Variants in IFT80 observed in about 807,000 individuals in gnomAD.
IFT80 encodes the protein intraflagellar transport protein 80 homolog.
IFT80 carries 79 observed loss-of-function variants against 107.9 expected under a neutral mutation model. That is an observed-to-expected ratio of 0.73 (90% CI 0.61 to 0.88). IFT80 has a LOEUF of 0.88. Ranked by LOEUF, IFT80 falls within the 40% of genes least tolerant of loss-of-function variation. The probability of loss-of-function intolerance (pLI) is 0.00; values close to 1 mark genes in which losing one functional copy is unlikely to be tolerated. For synonymous variants in IFT80, 299 were observed against 300.9 expected, an observed-to-expected ratio of 0.99 and a Z score of 0.07; for missense variants, 797 against 914.2, an observed-to-expected ratio of 0.87 and a Z score of 1.65.
chr3:160,319,489 C>T (rs1347339645), intron 9 of IFT80, among the ~76,000 whole-genome samples: 1 of 151,970 alleles, frequency 6.6e-6, no homozygotes, highest in African/African-American at 2.4e-5. Flanking sequence ...TCTCTCCTTC[C>T]CTCACTGAAT....
At chr3:160,322,607 C>T (rs558852829) in intron 8 of IFT80, among the ~76,000 whole-genome samples, 198 of 152,252 alleles carry the variant, frequency 1.3e-3, no homozygotes, top group African/African-American at 4.5e-3. Flanking sequence ...TGAGGAATCA[C>T]CACACTGACT....
chr3:160,311,007 C>T (rs1156390678), intron 9 of IFT80, among the ~76,000 whole-genome samples: 1 of 152,112 alleles, frequency 6.6e-6, no homozygotes, highest in Non-Finnish European at 1.5e-5. Context: ...CACCTGTGGT[C>T]CCAGCTACTC....
intron 6 of IFT80, among the ~76,000 whole-genome samples, chr3:160,362,584 C>G (rs1009692393): frequency 6.6e-6 from 1 of 152,090 alleles, no homozygotes; most frequent in Non-Finnish European, 1.5e-5. Context: ...AATTTTAGAC[C>G]AATATCCCTG....
intron 8 of IFT80, among the ~76,000 whole-genome samples, chr3:160,353,680 T>A (rs1162927704): frequency 6.6e-6 from 1 of 152,174 alleles, no homozygotes; most frequent in Admixed American, 6.5e-5. Context: ...GTTAGGCTCT[T>A]CCACACCCTT....
intron 19 of IFT80, among the ~76,000 whole-genome samples, chr3:160,267,106 A>G (rs999806109): frequency 6.6e-6 from 1 of 152,208 alleles, no homozygotes; most frequent in Non-Finnish European, 1.5e-5. Flanking sequence ...CACAACTTGT[A>G]GCTATCCTGG....
At chr3:160,302,108 T>C (rs1716476777) in intron 11 of IFT80, among the ~76,000 whole-genome samples, 1 of 152,046 alleles carries the variant, frequency 6.6e-6, no homozygotes, top group African/African-American at 2.4e-5. Context: ...TGTGCCTGTT[T>C]CCTTCATGCT....
chr3:160,391,025 C>A (rs753057026), intron 1 of IFT80, among the ~76,000 whole-genome samples: 15 of 152,152 alleles, frequency 9.9e-5, no homozygotes, highest in Admixed American at 2.6e-4. Context: ...TCTGCATAGC[C>A]CACTTCTTAA....
At chr3:160,328,519 GA>G (rs1718847792) in intron 8 of IFT80, among the ~76,000 whole-genome samples, 1 of 147,408 alleles carries the variant, frequency 6.8e-6, no homozygotes, top group Admixed American at 6.8e-5. Flanking sequence ...AGGTTGTACA[GA>G]AAAAGGAATG....
chr3:160,389,836 G>GTA (rs1553767568), intron 1 of IFT80, among the ~76,000 whole-genome samples: 1 of 152,048 alleles, frequency 6.6e-6, no homozygotes, highest in Non-Finnish European at 1.5e-5. Flanking sequence ...AGTCCTTTGG[G>GTA]TATATACCCA....
chr3:160,258,803 G>T (rs1333918984), intron 19 of IFT80, among the ~76,000 whole-genome samples, 168 bp from the exon 20 acceptor site: 1 of 152,054 alleles, frequency 6.6e-6, no homozygotes, highest in Non-Finnish European at 1.5e-5. Flanking sequence ...TTAAGAAGAA[G>T]AAATAATGCT....
intron 12 of IFT80, among the ~76,000 whole-genome samples, chr3:160,297,850 C>T (rs1716106427): frequency 6.6e-6 from 1 of 152,008 alleles, no homozygotes; most frequent in African/African-American, 2.4e-5. Flanking sequence ...TTTTCCATAA[C>T]TGTAAGTGCA....
intron 13 of IFT80, among the ~76,000 whole-genome samples, chr3:160,283,369 G>A (rs548055531): frequency 1.3e-5 from 2 of 152,234 alleles, no homozygotes; most frequent in South Asian, 2.1e-4. Context: ...TAGGAATTGT[G>A]AATTCAACCA....
rs1315652202 is a variant in IFT80 at position 160,340,221 on chromosome 3, G to T, written c.777+15792C>A. On this transcript the variant is annotated intron_variant, in intron 8 of 19. Coordinates refer to ENST00000326448, the MANE Select transcript of IFT80 (RefSeq NM_020800.3). The stretch of plus-strand genomic sequence containing the variant: ...AGATAATTTTTTTTATCAGTAAGAA[G>T]AAGGTGAAATCCTCCCCAAGTTATC... Among the ~76,000 whole-genome samples, 22 of 152,118 alleles carry T rather than the reference G, an allele frequency of 1.4e-4. No individual in the cohort carries two copies. The East Asian group carries it at 4.2e-3, about 29-fold the overall frequency.
At chr3:160,279,758 C>T (rs1392767337) in intron 15 of IFT80, among the ~76,000 whole-genome samples, 1 of 151,958 alleles carries the variant, frequency 6.6e-6, no homozygotes, top group Non-Finnish European at 1.5e-5. Context: ...AAAAAGTAAA[C>T]CAAATTCCAA....
At chr3:160,357,730 T>C (rs1721197443) in intron 6 of IFT80, 152 bp from the exon 7 acceptor site, 2 of 602,690 alleles carry the variant, frequency 3.3e-6, no homozygotes, top group Admixed American at 5.9e-5. Flanking sequence ...CAATACCTCA[T>C]TTGCTTGTTT....
chr3:160,274,323 G>T (rs1276683328), intron 18 of IFT80, among the ~76,000 whole-genome samples: 1 of 152,078 alleles, frequency 6.6e-6, no homozygotes, highest in Non-Finnish European at 1.5e-5. Flanking sequence ...CCAAATAAAG[G>T]TAGGTTTCAT....
chr3:160,396,948 T>C (rs185305399), intron 1 of IFT80, among the ~76,000 whole-genome samples: 1 of 152,360 alleles, frequency 6.6e-6, no homozygotes, highest in African/African-American at 2.4e-5. Context: ...ACCTGGTTTA[T>C]GCCCCTTTTC....
chr3:160,313,066 TTATA>T (rs1363841211), intron 9 of IFT80, among the ~76,000 whole-genome samples: 4 of 102,022 alleles, frequency 3.9e-5, no homozygotes, highest in African/African-American at 1.5e-4. Flanking sequence ...ATAATATATA[TTATA>T]TATATTTTAT....
At chr3:160,290,373 A>G (rs1250134181) in intron 12 of IFT80, among the ~76,000 whole-genome samples, 1 of 149,912 alleles carries the variant, frequency 6.7e-6, no homozygotes, top group Non-Finnish European at 1.5e-5. Flanking sequence ...ATGCCACTGC[A>G]CTCCGGCCTG....
Sources: allele counts gnomAD v4.1 joint callset (sites outside exome capture counted in the v4.1 genomes callset), GRCh38; gene constraint gnomAD v4.1.1; transcripts MANE v1.5; gene names NCBI Gene and HGNC (gene_info 2026-07-23, HGNC 2026-07-21).